SLC7A2: variants seen among roughly 807,000 people sequenced by gnomAD.
SLC7A2 encodes solute carrier family 7 member 2, also known as cationic amino acid transporter 2.
SLC7A2 carries 48 observed loss-of-function variants against 58.9 expected under a neutral mutation model. The ratio of observed to expected loss-of-function variants is 0.82; its 90% CI spans 0.65 to 1.04. The LOEUF (loss-of-function observed/expected upper bound fraction) is 1.04. Ranked by LOEUF, SLC7A2 falls within the 50% of genes least tolerant of loss-of-function variation. The probability of loss-of-function intolerance (pLI) is 0.00; values close to 1 mark genes in which losing one functional copy is unlikely to be tolerated. For synonymous variants in SLC7A2, 363 were observed against 314.5 expected (o/e 1.15, Z -1.63); for missense variants, 1,029 against 818.8 (o/e 1.26, Z -3.13).
At position 17,497,185 on chromosome 8, in the gene SLC7A2, C is replaced by T. The variant is rs1799985841; in HGVS notation, c.-121C>T. The T allele has an allele frequency of 1.3e-5, 2 of 151,866 alleles. No individual in the cohort carries two copies. The highest frequency in any genetic ancestry group is 4.8e-5 in the African/African-American group (2 of 41,398). 9.4% of individuals were successfully genotyped at this position (151,866 alleles called of 1,614,324 possible). On this transcript the variant is annotated 5_prime_UTR_variant, in exon 1 of 13. Transcript: ENST00000494857. ...CCCCCAGCCGCGGGCCCCCGACGCGCTGCAGCCGGCAGCCCACCGCCGCCT... is the reference window on the plus strand; with the variant it reads ...CCCCCAGCCGCGGGCCCCCGACGCGTTGCAGCCGGCAGCCCACCGCCGCCT...
At chr8:17,532,483 G>T (rs780600860) in intron 2 of SLC7A2, among the ~76,000 whole-genome samples, 1 of 151,952 alleles carries the variant, frequency 6.6e-6, no homozygotes, top group Non-Finnish European at 1.5e-5. Flanking sequence ...TTGCCTCCTG[G>T]AATTTTGTTT....
rs1308287490 is a variant in SLC7A2 at position 17,543,547 on chromosome 8, G to A, written c.208G>A (p.Val70Met). The A allele has an allele frequency of 1.2e-6, 2 of 1,612,576 alleles. No homozygotes were observed. Among genetic ancestry groups the A allele is most frequent in the Non-Finnish European group, 1.7e-6 (2 of 1,179,258 alleles). ...GGCAGACTCGGGCCCCAGCATCGTG[G>A]TGTCCTTCCTCATTGCTGCCCTGGC... ...AKADSGPSIVVSFLIAALASV... is the reference protein window; with the variant it reads ...AKADSGPSIVMSFLIAALASV... Residue 70 changes from valine (V) to methionine (M), a missense_variant, in exon 3 of 13, where the codon GTG becomes ATG. Physicochemically the swap from Val to Met is conservative, Grantham distance 21. Coordinates refer to ENST00000494857, the MANE Select transcript of SLC7A2 (RefSeq NM_001370338.1).
upstream of SLC7A2, among the ~76,000 whole-genome samples, chr8:17,494,485 C>G (rs116921009): frequency 0.015 from 2,213 of 152,090 alleles, 23 homozygotes; most frequent in Non-Finnish European, 0.017. Context: ...AACCAGGGAG[C>G]GTGAAATAGA....
intron 6 of SLC7A2, 115 bp downstream of exon 6, chr8:17,550,549 C>G (rs1802401378): frequency 4.4e-6 from 4 of 902,030 alleles, no homozygotes; most frequent in East Asian, 5.4e-5. Flanking sequence ...AAGAAGGGCA[C>G]TAGTTCCAGG....
At chr8:17,518,051 C>T (rs1019848858) in intron 2 of SLC7A2, among the ~76,000 whole-genome samples, 1 of 152,004 alleles carries the variant, frequency 6.6e-6, no homozygotes, top group Admixed American at 6.6e-5. Context: ...GTCAAGAGCC[C>T]AAGACATAAT....
At chr8:17,505,959 G>A (rs1218524763) in intron 2 of SLC7A2, among the ~76,000 whole-genome samples, 2 of 152,164 alleles carry the variant, frequency 1.3e-5, no homozygotes, top group East Asian at 3.8e-4. Context: ...ACATGCTTAA[G>A]GTATAATATT....
chr8:17,545,586 C>T (rs1057337863), intron 4 of SLC7A2, among the ~76,000 whole-genome samples: 3 of 151,518 alleles, frequency 2.0e-5, no homozygotes, highest in South Asian at 2.1e-4. Context: ...TTAGTAGAGA[C>T]GGGGTTTCAC....
chr8:17,522,454 A>T (rs1329177077), intron 2 of SLC7A2, among the ~76,000 whole-genome samples: 2 of 152,196 alleles, frequency 1.3e-5, no homozygotes, highest in Non-Finnish European at 2.9e-5. Context: ...CTGAACCTGC[A>T]TCCGGGGCTT....
intron 2 of SLC7A2, among the ~76,000 whole-genome samples, chr8:17,508,461 T>C (rs1250423626): frequency 6.6e-6 from 1 of 152,182 alleles, no homozygotes; most frequent in Admixed American, 6.5e-5. Flanking sequence ...CAGTGGCTCA[T>C]GCCTGTAATC....
At chr8:17,524,868 T>C (rs1801162048) in intron 2 of SLC7A2, among the ~76,000 whole-genome samples, 1 of 149,774 alleles carries the variant, frequency 6.7e-6, no homozygotes, top group Non-Finnish European at 1.5e-5. Flanking sequence ...GAGCAAGTTC[T>C]TAGCATACTT....
Position 17,543,596 on chromosome 8 carries a change from A to G in SLC7A2, c.257A>G (p.Tyr86Cys). 2 of 1,607,164 alleles carry G rather than the reference A, an allele frequency of 1.2e-6. No individual in the cohort carries two copies. The highest frequency in any genetic ancestry group is 1.7e-6 in the Non-Finnish European group (2 of 1,176,666). Residue 86 changes from tyrosine to cysteine, a missense_variant, in exon 3 of 13, where the codon TAT (tyrosine) becomes TGT (cysteine). Tyr to Cys is a radical substitution (Grantham distance 194). Transcript: ENST00000494857. The stretch of plus-strand genomic sequence containing the variant: ...GCTTCAGTGATGGCTGGCCTCTGCT[A>G]TGCCGAATTTGGGGCCCGTGTTCCC... The part of the protein sequence containing the change: ...ALASVMAGLC[Y>C]AEFGARVPKT...
chr8:17,530,959 A>G (rs1166867536), intron 2 of SLC7A2, among the ~76,000 whole-genome samples: 6 of 152,256 alleles, frequency 3.9e-5, no homozygotes, highest in East Asian at 3.8e-4. Flanking sequence ...ATTTTAAAGT[A>G]TGCTGATATT....
intron 6 of SLC7A2, 68 bp from the exon 7 acceptor site, chr8:17,551,696 C>A: frequency 1.7e-6 from 2 of 1,180,076 alleles, no homozygotes; most frequent in South Asian, 1.2e-5. Context: ...AAGAATTTCA[C>A]ACAATTTAAT....
chr8:17,530,385 A>G (rs1801399034), intron 2 of SLC7A2, among the ~76,000 whole-genome samples: 1 of 152,102 alleles, frequency 6.6e-6, no homozygotes, highest in South Asian at 2.1e-4. Context: ...CCTTTATGTG[A>G]GCCAGAAGAC....
At chr8:17,512,726 A>G (rs1469000338) in intron 2 of SLC7A2, among the ~76,000 whole-genome samples, 1 of 152,158 alleles carries the variant, frequency 6.6e-6, no homozygotes, top group Non-Finnish European at 1.5e-5. Flanking sequence ...TCGTTGTACA[A>G]CAGATTTCTA....
intron 2 of SLC7A2, among the ~76,000 whole-genome samples, chr8:17,533,379 G>T (rs1801537535): frequency 6.6e-6 from 1 of 152,148 alleles, no homozygotes; most frequent in African/African-American, 2.4e-5. Flanking sequence ...TCTCAACTCA[G>T]TTTCCCTCTA....
chr8:17,557,757 G>C (rs772942615), intron 8 of SLC7A2, among the ~76,000 whole-genome samples: 10 of 152,052 alleles, frequency 6.6e-5, no homozygotes, highest in Admixed American at 5.2e-4. Context: ...GGACCAGGGG[G>C]GTGGAGATTG....
rs1362654101 is a variant in SLC7A2, at chr8:17,569,659, A to G, written c.*4513A>G. On this transcript the variant is annotated 3_prime_UTR_variant, in exon 13 of 13. Transcript: ENST00000494857. ...ATTGTTGTGGTTGTTGGTGTTTGTA[A>G]TATTCATTATTGTTTGTATATACAC... 6.6e-6 allele frequency: 1 copy of G among 152,048 alleles called. No individual in the cohort carries two copies. Among genetic ancestry groups the G allele is most frequent in the Non-Finnish European group, 1.5e-5 (1 of 68,024 alleles). 9.4% of individuals were successfully genotyped at this position (152,048 alleles called of 1,614,324 possible). A position where few individuals can be genotyped will look rare whatever the true frequency, so the allele number is the denominator to read the frequency against.
At chr8:17,538,380 A>G (rs1419998422) in intron 2 of SLC7A2, among the ~76,000 whole-genome samples, 1 of 152,222 alleles carries the variant, frequency 6.6e-6, no homozygotes, top group African/African-American at 2.4e-5. Context: ...AGTGAAGTGA[A>G]TATGGAAGAG....
Sources: allele counts gnomAD v4.1 joint callset (sites outside exome capture counted in the v4.1 genomes callset), GRCh38; gene constraint gnomAD v4.1.1; transcripts MANE v1.5; gene names NCBI Gene and HGNC (gene_info 2026-07-23, HGNC 2026-07-21).